The following ARHGAP10 variants were observed in gnomAD, a reference collection of about 807,000 sequenced individuals.
ARHGAP10 encodes rho GTPase-activating protein 10.
ARHGAP10 carries 87 observed loss-of-function variants against 108.6 expected under a neutral mutation model. The ratio of observed to expected loss-of-function variants is 0.80; its 90% CI spans 0.67 to 0.96. The LOEUF (loss-of-function observed/expected upper bound fraction) is 0.96. Ranked by LOEUF, ARHGAP10 falls within the 40% of genes least tolerant of loss-of-function variation. The probability of loss-of-function intolerance (pLI) is 0.00; values close to 1 mark genes in which losing one functional copy is unlikely to be tolerated. For synonymous variants in ARHGAP10, 347 were observed against 341.1 expected, an observed-to-expected ratio of 1.02 and a Z score of -0.19; for missense variants, 939 against 954.5, an observed-to-expected ratio of 0.98 and a Z score of 0.21.
chr4:147,982,158 C>G (rs1326930008), intron 18 of ARHGAP10, among the ~76,000 whole-genome samples: 2 of 152,054 alleles, frequency 1.3e-5, no homozygotes, highest in Non-Finnish European at 2.9e-5. Context: ...TTGCCTCAGC[C>G]CCCTGTCTCT....
At chr4:147,743,056 G>A (rs1427461683) in intron 1 of ARHGAP10, among the ~76,000 whole-genome samples, 2 of 148,240 alleles carry the variant, frequency 1.3e-5, no homozygotes, top group Admixed American at 1.3e-4. Context: ...TATTTTTGGA[G>A]ACAGTCTCAC....
At chr4:147,928,367 T>C (rs1192766146) in intron 13 of ARHGAP10, among the ~76,000 whole-genome samples, 1 of 152,214 alleles carries the variant, frequency 6.6e-6, no homozygotes. Context: ...CGTGCCAAAC[T>C]GTCTGGTTTC....
intron 3 of ARHGAP10, among the ~76,000 whole-genome samples, chr4:147,843,726 A>G (rs1198965136): frequency 1.3e-5 from 2 of 152,186 alleles, no homozygotes; most frequent in African/African-American, 4.8e-5. Flanking sequence ...CATGTTGGTC[A>G]GGCTGGTCTC....
At chr4:147,976,426 G>C (rs924588744) in intron 18 of ARHGAP10, among the ~76,000 whole-genome samples, 7 of 152,088 alleles carry the variant, frequency 4.6e-5, no homozygotes, top group African/African-American at 1.7e-4. Context: ...CAGTGTAGAA[G>C]TCAAAATCCC....
At chr4:147,835,711 T>C (rs997260374) in intron 3 of ARHGAP10, among the ~76,000 whole-genome samples, 1 of 152,222 alleles carries the variant, frequency 6.6e-6, no homozygotes, top group Non-Finnish European at 1.5e-5. Context: ...ATTGCCTTAG[T>C]ATGCACGAGG....
chr4:147,920,454 A>G (rs773485683), intron 13 of ARHGAP10, among the ~76,000 whole-genome samples: 4 of 151,870 alleles, frequency 2.6e-5, no homozygotes, highest in Admixed American at 6.6e-5. Context: ...CCTAAATCCA[A>G]ACAAATCATC....
intron 1 of ARHGAP10, among the ~76,000 whole-genome samples, chr4:147,821,038 C>T (rs1263337866): frequency 6.6e-6 from 1 of 152,196 alleles, no homozygotes; most frequent in Non-Finnish European, 1.5e-5. Context: ...CTCCAAACAG[C>T]CTCATGCATG....
intron 20 of ARHGAP10, among the ~76,000 whole-genome samples, chr4:148,050,749 T>C (rs1395606004): frequency 6.6e-6 from 1 of 152,250 alleles, no homozygotes; most frequent in East Asian, 1.9e-4. Flanking sequence ...CATTTGCTCC[T>C]TACTGTGTTT....
chr4:148,072,124 C>G lies in ARHGAP10; in HGVS notation c.*43C>G. ...CCTGCTGACCCTGGCACCCAGGGAC[C>G]TGCCTGGGGGCAGAGAGCTGTCTTC... On this transcript the variant is annotated 3_prime_UTR_variant, in exon 23 of 23. Transcript: ENST00000336498. 6.4e-7 allele frequency: 1 copy of G among 1,550,906 alleles called. No homozygotes were observed. Among genetic ancestry groups the G allele is most frequent in the African/African-American group, 1.4e-5 (1 of 73,070 alleles).
chr4:147,857,701 A>C (rs1560793861), intron 5 of ARHGAP10, 47 bp downstream of exon 5: 1 of 1,352,556 alleles, frequency 7.4e-7, no homozygotes, highest in Non-Finnish European at 9.7e-7. Flanking sequence ...TTGATAAGCA[A>C]TACATGTCTT....
intron 16 of ARHGAP10, among the ~76,000 whole-genome samples, chr4:147,956,563 T>C (rs1738793565): frequency 6.6e-6 from 1 of 152,174 alleles, no homozygotes; most frequent in African/African-American, 2.4e-5. Context: ...TGCTTAGTTG[T>C]TTTGATTTCT....
At chr4:147,925,903 A>C (rs768380460) in intron 13 of ARHGAP10, among the ~76,000 whole-genome samples, 1 of 152,190 alleles carries the variant, frequency 6.6e-6, no homozygotes, top group Non-Finnish European at 1.5e-5. Context: ...ATAGGAGGAA[A>C]AACTCTGAAT....
At chr4:147,859,009 C>G (rs773327116) in intron 5 of ARHGAP10, among the ~76,000 whole-genome samples, 22 of 152,172 alleles carry the variant, frequency 1.4e-4, no homozygotes, top group Non-Finnish European at 2.5e-4. Flanking sequence ...TCCAAACCCT[C>G]CTAATGGCTT....
intron 18 of ARHGAP10, among the ~76,000 whole-genome samples, chr4:147,983,193 T>TG (rs201050494): frequency 0.052 from 7,814 of 150,116 alleles, 233 homozygotes; most frequent in African/African-American, 0.066. Context: ...CTTTGTTTTT[T>TG]TTTTTTTTTT....
chr4:147,883,152 A>G (rs1159660064), intron 10 of ARHGAP10, among the ~76,000 whole-genome samples: 1 of 152,258 alleles, frequency 6.6e-6, no homozygotes, highest in Non-Finnish European at 1.5e-5. Context: ...CTTAAGCACC[A>G]TGATAAGTTT....
chr4:147,958,148 C>T (rs1738858943), intron 16 of ARHGAP10, among the ~76,000 whole-genome samples: 1 of 152,140 alleles, frequency 6.6e-6, no homozygotes, highest in Admixed American at 6.5e-5. Context: ...TGTCTTACTG[C>T]GTGATGTCTG....
intron 10 of ARHGAP10, among the ~76,000 whole-genome samples, chr4:147,898,062 C>G (rs962097117): frequency 6.6e-6 from 1 of 152,046 alleles, no homozygotes; most frequent in Non-Finnish European, 1.5e-5. Context: ...ACCATGTTAT[C>G]TAGAATGGGC....
intron 22 of ARHGAP10, among the ~76,000 whole-genome samples, chr4:148,068,355 A>G (rs1729995965): frequency 6.6e-6 from 1 of 152,166 alleles, no homozygotes; most frequent in Non-Finnish European, 1.5e-5. Context: ...GCCTCTGGCG[A>G]TTAAACTTTA....
intron 18 of ARHGAP10, among the ~76,000 whole-genome samples, chr4:148,018,281 G>A (rs898191792): frequency 1.3e-5 from 2 of 152,138 alleles, no homozygotes; most frequent in Admixed American, 6.5e-5. Context: ...AGTTGGGAGA[G>A]CTGGGCAATC....
Sources: gnomAD v4.1 joint callset for allele counts (sites outside exome capture counted in the v4.1 genomes callset) on GRCh38, gnomAD v4.1.1 for gene constraint, MANE v1.5 for transcripts, NCBI Gene and HGNC (gene_info 2026-07-23, HGNC 2026-07-21) for gene names.